Variants in TCTN3 observed in about 807,000 individuals in gnomAD.
The protein encoded by TCTN3 is tectonic family member 3.
In TCTN3, 57 loss-of-function variants were observed where a neutral mutation model predicts 71.3. The observed-to-expected ratio is 0.80, with a 90% CI of 0.65 to 1.00. TCTN3 has a LOEUF of 1.00. Among genes scored for constraint, TCTN3 ranks in the 50% least tolerant of loss-of-function variants. The pLI is 0.00. For synonymous variants in TCTN3, 258 were observed against 267.8 expected (o/e 0.96, Z 0.36); for missense variants, 696 against 719.9 (o/e 0.97, Z 0.38).
chr10:95,687,175 T>A lies in TCTN3; in HGVS notation c.737-16A>T, dbSNP rs886038621. 3 of 1,612,750 alleles carry A rather than the reference T, an allele frequency of 1.9e-6. No homozygotes were observed. Among genetic ancestry groups the A allele is most frequent in the Non-Finnish European group, 2.5e-6 (3 of 1,178,884 alleles). On this transcript the variant is annotated splice_polypyrimidine_tract_variant and intron_variant, in intron 5 of 13. Coordinates refer to ENST00000371217, the MANE Select transcript of TCTN3 (RefSeq NM_015631.6). ...TCTAGGAAACCTTAAACACAAATAA[T>A]TAAGAGAGTGGTAAATGAGAAAGCC...
rs759717531 is a variant in TCTN3, at chr10:95,680,593, G to T, written c.1469C>A (p.Ser490Tyr). ...HCSISAINCT[S>Y]CCLIPVSLEI... ...CAGGGAAACTGGTATGAGACAGCAG[G>T]AAGTACAGTTTATAGCCTGCAGAAG... Residue 490 changes from serine (S) to tyrosine (Y), a missense_variant, in exon 13 of 14, where the codon TCC becomes TAC. Coordinates refer to ENST00000371217, the MANE Select transcript of TCTN3 (RefSeq NM_015631.6). The T allele has an allele frequency of 6.2e-7, 1 of 1,614,030 alleles. No individual in the cohort carries two copies. The highest frequency in any genetic ancestry group is 2.2e-5 in the East Asian group (1 of 44,862).
chr10:95,672,842 G>A (rs536468764), intron 13 of TCTN3, among the ~76,000 whole-genome samples: 11 of 151,808 alleles, frequency 7.2e-5, no homozygotes, highest in South Asian at 4.2e-4. Context: ...ACAGGCATGC[G>A]TCGCCATGCC....
intron 3 of TCTN3, among the ~76,000 whole-genome samples, chr10:95,690,554 C>T (rs1486760739): frequency 6.6e-6 from 1 of 152,070 alleles, no homozygotes; most frequent in East Asian, 1.9e-4. Context: ...GAAAGAAAAG[C>T]AAATACAAAC....
At chr10:95,693,522 T>A in intron 1 of TCTN3, 46 bp from the exon 2 acceptor site, 1 of 1,551,262 alleles carries the variant, frequency 6.4e-7, no homozygotes, top group Non-Finnish European at 8.7e-7. Flanking sequence ...ATCCCCAAAC[T>A]CTCCCAGGTG....
rs767953220 is a variant in TCTN3 at position 95,687,705 on chromosome 10, A to G, written c.514T>C (p.Phe172Leu). The change falls in exon 4 of 14, where the codon TTC (phenylalanine) becomes CTC (leucine). Residue 172 changes from phenylalanine to leucine, a missense_variant. Coordinates refer to ENST00000371217, the MANE Select transcript of TCTN3 (RefSeq NM_015631.6). ...VHVNNSNLNY[F>L]QKLQKVNATN... The stretch of plus-strand genomic sequence containing the variant: ...GCATTGACCTTTTGAAGCTTCTGGA[A>G]ATAGTTTAAGTTTGCTAAAATGTTT... The G allele has an allele frequency of 1.9e-6, 3 of 1,613,674 alleles. No individual in the cohort carries two copies. The highest frequency in any genetic ancestry group is 3.3e-5 in the Admixed American group (2 of 59,932).
intron 9 of TCTN3, 39 bp from the exon 10 acceptor site, chr10:95,683,668 GCATACTTTCC>G: frequency 6.4e-7 from 1 of 1,562,798 alleles, no homozygotes. Flanking sequence ...ATGGAGATAA[GCATACTTTCC>G]CACCTCCCAC....
Position 95,693,371 on chromosome 10 carries a change from C to T in TCTN3, c.362G>A (p.Cys121Tyr). ...AGCTCACCTTACGCTGCCTGGAAGGCAGAAGGAGAAAACTGTCCTCGGATG... is the reference window on the plus strand; with the variant it reads ...AGCTCACCTTACGCTGCCTGGAAGGTAGAAGGAGAAAACTGTCCTCGGATG... ...LLHPRTVFSFCLPGSVRSSSW... is the reference protein window; with the variant it reads ...LLHPRTVFSFYLPGSVRSSSW... Residue 121 changes from cysteine to tyrosine, a missense_variant, in exon 2 of 14, where the codon TGC (cysteine) becomes TAC (tyrosine). Transcript: ENST00000371217. 1 of 1,551,872 alleles carries T rather than the reference C, an allele frequency of 6.4e-7. No individual in the cohort carries two copies. Among genetic ancestry groups the T allele is most frequent in the South Asian group, 1.2e-5 (1 of 84,066 alleles).
At position 95,683,886 on chromosome 10, in the gene TCTN3, A is replaced by C. The variant is rs141916263; in HGVS notation, c.1096-257T>G. 1.1e-4 allele frequency among the ~76,000 whole-genome samples: 16 copies of C among 152,328 alleles called. No individual in the cohort carries two copies. The East Asian group carries it at 2.9e-3, about 27-fold the overall frequency. The stretch of plus-strand genomic sequence containing the variant: ...CAAGGATTACAACCAAGAATCTACT[A>C]AGGATCCCTTAAAAATTACTAGCAA... On this transcript the variant is annotated intron_variant, in intron 9 of 13. Coordinates refer to ENST00000371217, the MANE Select transcript of TCTN3 (RefSeq NM_015631.6).
At position 95,692,911 on chromosome 10, in the gene TCTN3, T is replaced by G; in HGVS notation, c.499+9A>C. 6.3e-7 allele frequency: 1 copy of G among 1,584,858 alleles called. No individual in the cohort carries two copies. The highest frequency in any genetic ancestry group is 1.1e-5 in the South Asian group (1 of 90,456). ...AGAAAATGAGAACAACCAACATGTTTCTACTCACAGTTGTTCACATGGACA... is the reference window on the plus strand; with the variant it reads ...AGAAAATGAGAACAACCAACATGTTGCTACTCACAGTTGTTCACATGGACA... On this transcript the variant is annotated intron_variant, in intron 3 of 13. Coordinates refer to ENST00000371217, the MANE Select transcript of TCTN3 (RefSeq NM_015631.6).
intron 8 of TCTN3, 118 bp from the exon 9 acceptor site, chr10:95,684,742 T>A: frequency 1.8e-6 from 2 of 1,131,494 alleles, no homozygotes; most frequent in East Asian, 2.6e-5. Context: ...ACTGAAACAG[T>A]AATGTTAAAA....
At chr10:95,682,039 C>A (rs1338825856) in intron 12 of TCTN3, among the ~76,000 whole-genome samples, 1 of 150,886 alleles carries the variant, frequency 6.6e-6, no homozygotes, top group Non-Finnish European at 1.5e-5. Flanking sequence ...ACAAAAAAAT[C>A]AAAAAATTAT....
chr10:95,675,543 A>G (rs1271831242), intron 13 of TCTN3, among the ~76,000 whole-genome samples: 1 of 152,244 alleles, frequency 6.6e-6, no homozygotes, highest in Non-Finnish European at 1.5e-5. Context: ...AAGGAGGCAA[A>G]GTACTTCTAT....
At chr10:95,689,346 C>G (rs140093253) in intron 3 of TCTN3, among the ~76,000 whole-genome samples, 39 of 152,308 alleles carry the variant, frequency 2.6e-4, no homozygotes, top group African/African-American at 9.4e-4. Context: ...TGCTCTGAAA[C>G]AGGTGATGTT....
rs551854609 is a variant in TCTN3 at position 95,665,445 on chromosome 10, A to AT, written c.1591-1146dup. Among the ~76,000 whole-genome samples the AT allele has an allele frequency of 4.0e-5, 6 of 151,880 alleles. No individual in the cohort carries two copies. In the East Asian group the frequency reaches 9.7e-4, roughly 25 times the overall value. On this transcript the variant is annotated intron_variant, in intron 13 of 13. Coordinates refer to ENST00000371217, the MANE Select transcript of TCTN3 (RefSeq NM_015631.6). ...AGGCACCCATCACCATGCCTAGCTA[A>AT]TTTTTTTGTATTTTTAGTAGAGACG...
intron 3 of TCTN3, 70 bp from the exon 4 acceptor site, chr10:95,687,789 A>G: frequency 1.3e-6 from 2 of 1,543,072 alleles, no homozygotes; most frequent in Non-Finnish European, 1.8e-6. Flanking sequence ...ATTTTAAAAA[A>G]TATTTTTATT....
At chr10:95,679,150 T>C (rs1238587932) in intron 13 of TCTN3, among the ~76,000 whole-genome samples, 3 of 152,228 alleles carry the variant, frequency 2.0e-5, no homozygotes, top group Non-Finnish European at 4.4e-5. Flanking sequence ...CAAACTAACC[T>C]GAAAAGCTAA....
chr10:95,692,731 T>A, intron 3 of TCTN3, 189 bp downstream of exon 3: 1 of 563,520 alleles, frequency 1.8e-6, no homozygotes. Flanking sequence ...ACAACACAAA[T>A]TTGTAAACTT....
chr10:95,685,523 C>A, intron 8 of TCTN3, 33 bp downstream of exon 8: 1 of 1,511,482 alleles, frequency 6.6e-7, no homozygotes, highest in South Asian at 1.2e-5. Flanking sequence ...GATTAACACA[C>A]ATCAGTCCAG....
chr10:95,683,018 T>C, intron 11 of TCTN3, 83 bp downstream of exon 11: 1 of 1,404,150 alleles, frequency 7.1e-7, no homozygotes, highest in South Asian at 1.2e-5. Flanking sequence ...CGAACTGTCA[T>C]TAAAAATATA....
Sources: gnomAD v4.1 joint callset for allele counts (sites outside exome capture counted in the v4.1 genomes callset) on GRCh38, gnomAD v4.1.1 for gene constraint, MANE v1.5 for transcripts, NCBI Gene and HGNC (gene_info 2026-07-23, HGNC 2026-07-21) for gene names.